Variants in EYA1 observed in about 807,000 individuals in gnomAD.
The protein encoded by EYA1 is EYA transcriptional coactivator and phosphatase 1.
EYA1 carries 16 observed loss-of-function variants against 82.0 expected under a neutral mutation model. That is an observed-to-expected ratio of 0.20 (90% confidence interval 0.13 to 0.30). The LOEUF (loss-of-function observed/expected upper bound fraction) is 0.30. EYA1 is among the 10% of genes least tolerant of loss of function. The pLI is 1.00. For missense variants in EYA1, 633 were observed against 730.7 expected, an observed-to-expected ratio of 0.87 and a Z score of 1.54; for synonymous variants, 261 against 264.4, an observed-to-expected ratio of 0.99 and a Z score of 0.12.
intron 4 of EYA1, among the ~76,000 whole-genome samples, chr8:71,328,365 TC>T (rs1428450757): frequency 1.3e-5 from 2 of 152,200 alleles, no homozygotes; most frequent in Non-Finnish European, 2.9e-5. Flanking sequence ...GAATACCGAT[TC>T]CGGGGTGCTC....
intron 17 of EYA1, among the ~76,000 whole-genome samples, chr8:71,205,582 G>C (rs1228048828): frequency 2.0e-5 from 3 of 152,090 alleles, no homozygotes; most frequent in African/African-American, 2.4e-5. Flanking sequence ...CGAAACAAAG[G>C]TATTTCTAAC....
At chr8:71,546,742 A>G (rs1281243460) in intron 1 of EYA1, among the ~76,000 whole-genome samples, 1 of 152,138 alleles carries the variant, frequency 6.6e-6, no homozygotes, top group Non-Finnish European at 1.5e-5. Flanking sequence ...GACCTCAGGC[A>G]GTCTGCCCTC....
At position 71,240,268 on chromosome 8, in the gene EYA1, CT is replaced by C. The variant is rs35098983; in HGVS notation, c.1140+4334del. ...GGGACCAGAACTTTCTGCCCCAGGCCTTTTTTTTTTTTTTTAATAGAAAGGG... is the reference window on the plus strand; with the variant it reads ...GGGACCAGAACTTTCTGCCCCAGGCCTTTTTTTTTTTTTTAATAGAAAGGG... On this transcript the variant is annotated intron_variant, in intron 12 of 17. Transcript: ENST00000340726. 5.9e-3 allele frequency among the ~76,000 whole-genome samples: 844 copies of C among 142,918 alleles called. 1 individual carries two copies. Among genetic ancestry groups the C allele is most frequent in the African/African-American group, 0.01 (398 of 39,038 alleles). The allele number at this position is 142,918 out of a possible 152,430, so 93.8% of individuals were successfully genotyped here.
chr8:71,414,810 T>A (rs1190628075), intron 2 of EYA1, among the ~76,000 whole-genome samples: 1 of 152,200 alleles, frequency 6.6e-6, no homozygotes, highest in Non-Finnish European at 1.5e-5. Flanking sequence ...AAAGCCTTGG[T>A]CTCTGGAAAA....
At chr8:71,487,461 T>C (rs1224634106) in intron 2 of EYA1, among the ~76,000 whole-genome samples, 2 of 152,284 alleles carry the variant, frequency 1.3e-5, no homozygotes, top group East Asian at 1.9e-4. Context: ...TTTCTACCTG[T>C]ATCCATAATT....
intron 7 of EYA1, among the ~76,000 whole-genome samples, chr8:71,305,112 C>T (rs1348422599): frequency 7.0e-6 from 1 of 142,978 alleles, no homozygotes; most frequent in African/African-American, 2.5e-5. Flanking sequence ...TTGCAAGGGT[C>T]TTCACTTACA....
intron 12 of EYA1, among the ~76,000 whole-genome samples, chr8:71,232,370 G>A (rs1032590506): frequency 6.6e-6 from 1 of 152,232 alleles, no homozygotes; most frequent in Non-Finnish European, 1.5e-5. Flanking sequence ...TGCATGCCGT[G>A]ACACCACCAG....
At chr8:71,396,986 T>C (rs1323295020) in intron 2 of EYA1, among the ~76,000 whole-genome samples, 2 of 152,216 alleles carry the variant, frequency 1.3e-5, no homozygotes, top group African/African-American at 2.4e-5. Flanking sequence ...ATTGGATGCA[T>C]ATATATTTAG....
At chr8:71,473,336 G>T (rs1416822070) in intron 2 of EYA1, among the ~76,000 whole-genome samples, 1 of 108,762 alleles carries the variant, frequency 9.2e-6, no homozygotes, top group Non-Finnish European at 1.9e-5. Context: ...AATCTACAAA[G>T]AACTTAAACA....
At chr8:71,393,683 T>A (rs1829415328) in intron 2 of EYA1, among the ~76,000 whole-genome samples, 1 of 152,228 alleles carries the variant, frequency 6.6e-6, no homozygotes, top group Non-Finnish European at 1.5e-5. Context: ...ATTTTCTTAA[T>A]CCAGTCTATC....
At chr8:71,247,150 T>TAGCACTACCCACACCCTTCC (rs1254950429) in intron 11 of EYA1, among the ~76,000 whole-genome samples, 1 of 151,444 alleles carries the variant, frequency 6.6e-6, no homozygotes, top group Non-Finnish European at 1.5e-5. Context: ...CTCACCCCCT[T>TAGCACTACCCACACCCTTCC]AGCACTACCC....
chr8:71,462,307 A>G (rs1327905586), intron 2 of EYA1, among the ~76,000 whole-genome samples: 1 of 152,054 alleles, frequency 6.6e-6, no homozygotes, highest in Admixed American at 6.5e-5. Context: ...GTGGCAGGGG[A>G]CTGGCGTGCC....
intron 2 of EYA1, among the ~76,000 whole-genome samples, chr8:71,388,801 A>T (rs1415997046): frequency 6.6e-6 from 1 of 152,158 alleles, no homozygotes; most frequent in Non-Finnish European, 1.5e-5. Flanking sequence ...TAATAGTGAT[A>T]GTCAGAATCA....
chr8:71,322,691 G>A (rs1822715192), intron 4 of EYA1, among the ~76,000 whole-genome samples: 1 of 152,168 alleles, frequency 6.6e-6, no homozygotes, highest in African/African-American at 2.4e-5. Flanking sequence ...TGCTCAGCAA[G>A]AACACACAAA....
chr8:71,475,169 C>A (rs140825845), intron 2 of EYA1, among the ~76,000 whole-genome samples: 2,403 of 152,200 alleles, frequency 0.016, 39 homozygotes, highest in Non-Finnish European at 0.025. Flanking sequence ...AGTAGATATT[C>A]ATGTGTTAAC....
At position 71,453,281 on chromosome 8, in the gene EYA1, A is replaced by G. The variant is rs117457935; in HGVS notation, c.33+82463T>C. Among the ~76,000 whole-genome samples, 19 of 152,252 alleles carry G rather than the reference A, an allele frequency of 1.2e-4. No individual in the cohort carries two copies. The East Asian group carries it at 2.5e-3, about 20-fold the overall frequency. On this transcript the variant is annotated intron_variant, in intron 2 of 18. Transcript: ENST00000643681. ...AATATGAGACTATGTGAAAACACCAACTCTACGTCTAATTGGTGAGCCTGA... is the reference window on the plus strand; with the variant it reads ...AATATGAGACTATGTGAAAACACCAGCTCTACGTCTAATTGGTGAGCCTGA...
At chr8:71,450,626 C>A (rs1807283984) in intron 2 of EYA1, among the ~76,000 whole-genome samples, 1 of 152,180 alleles carries the variant, frequency 6.6e-6, no homozygotes, top group Non-Finnish European at 1.5e-5. Flanking sequence ...ACAAAGGGAG[C>A]ATGTGCTGTT....
chr8:71,232,101 C>T (rs1028968685), intron 12 of EYA1, among the ~76,000 whole-genome samples: 4 of 152,212 alleles, frequency 2.6e-5, no homozygotes, highest in African/African-American at 9.6e-5. Flanking sequence ...TCAGCTTTAC[C>T]ATCACCTAAC....
chr8:71,458,491 A>T (rs968940766), intron 2 of EYA1, among the ~76,000 whole-genome samples: 5 of 151,972 alleles, frequency 3.3e-5, no homozygotes, highest in Admixed American at 3.3e-4. Context: ...CACCAGCCAT[A>T]TTCTATTAAC....
Sources: allele counts gnomAD v4.1 joint callset (sites outside exome capture counted in the v4.1 genomes callset), GRCh38; gene constraint gnomAD v4.1.1; transcripts MANE v1.5; gene names NCBI Gene and HGNC (gene_info 2026-07-23, HGNC 2026-07-21).